The following RRM2 variants were observed in gnomAD, a reference collection of about 807,000 sequenced individuals.
RRM2 encodes the protein ribonucleotide reductase regulatory subunit M2, also known as ribonucleoside-diphosphate reductase subunit M2.
Under a neutral mutation model 45.9 loss-of-function variants are expected in RRM2, and 6 were observed. The ratio of observed to expected loss-of-function variants is 0.13; its 90% confidence interval spans 0.07 to 0.26. The LOEUF (loss-of-function observed/expected upper bound fraction) is 0.26, where lower values mean the gene tolerates loss of function less well. Among genes scored for constraint, RRM2 ranks in the 10% least tolerant of loss-of-function variants. The pLI, the probability that RRM2 is intolerant of heterozygous loss-of-function variation, is 1.00. For synonymous variants in RRM2, 177 were observed against 173.0 expected (o/e 1.02, Z -0.18); for missense variants, 343 against 489.5 (o/e 0.70, Z 2.82).
intron 3 of RRM2, among the ~76,000 whole-genome samples, chr2:10,199,580 G>A (rs1181984696): frequency 1.3e-5 from 2 of 151,758 alleles, no homozygotes; most frequent in Admixed American, 1.3e-4. Context: ...AGGAGATCAA[G>A]ACCATCCTGG....
chr2:10,127,286 C>A lies in RRM2; in HGVS notation c.798+66C>A. 2 of 1,532,350 alleles carry A rather than the reference C, an allele frequency of 1.3e-6. No homozygotes were observed. The highest frequency in any genetic ancestry group is 1.1e-5 in the South Asian group (1 of 87,962). The allele number at this position is 1,532,350 out of a possible 1,614,324, so 94.9% of individuals were successfully genotyped here. A position where few individuals can be genotyped will look rare whatever the true frequency, so the allele number is the denominator to read the frequency against. ...CACAACTCGGGCATGCTCTTGTGTT[C>A]ACTGACGGGGACCTGAGATGCTAGA... is the stretch of plus-strand genomic sequence containing the variant. On this transcript the variant is annotated intron_variant, in intron 7 of 9. Transcript: ENST00000304567. The surrounding 1 kb of genome is among the most constrained non-coding windows in gnomAD (Gnocchi z 4.1).
rs1037698393 is a variant in RRM2 at position 10,166,011 on chromosome 2, C to G, written n.482+23636C>G. Among the ~76,000 whole-genome samples the G allele has an allele frequency of 2.6e-5, 4 of 152,142 alleles. No homozygotes were observed. In the South Asian group the frequency reaches 6.2e-4, roughly 24 times the overall value. On this transcript the variant is annotated intron_variant and non_coding_transcript_variant, in intron 3 of 3. Transcript: ENST00000381786. The stretch of plus-strand genomic sequence containing the variant: ...AAGGCAGGAAGGGCAGCCAGCGGCC[C>G]GGAGGGGAGCACAGCAGCTGCTGGT...
rs1662892551 is a variant in RRM2 at position 10,131,123 on chromosome 2, A to G, written c.*1737A>G. 1 of 152,224 alleles carries G rather than the reference A, an allele frequency of 6.6e-6. No individual in the cohort carries two copies. Among genetic ancestry groups the G allele is most frequent in the African/African-American group, 2.4e-5 (1 of 41,454 alleles). The allele number at this position is 152,224 out of a possible 1,614,324, so 9.4% of individuals were successfully genotyped here. ...TAGACAATTTTTAAATCTCTGTAAT[A>G]TGATACATTTTCCTATCTTTTAAGT... On this transcript the variant is annotated 3_prime_UTR_variant, in exon 10 of 10. Transcript: ENST00000304567.
At chr2:10,201,240 C>T (rs1664565386) in intron 3 of RRM2, among the ~76,000 whole-genome samples, 1 of 152,014 alleles carries the variant, frequency 6.6e-6, no homozygotes, top group Non-Finnish European at 1.5e-5. Context: ...AGGATACTCA[C>T]AGGTAGTTTC....
intron 3 of RRM2, among the ~76,000 whole-genome samples, chr2:10,143,793 G>A (rs1007771401): frequency 6.6e-6 from 1 of 152,162 alleles, no homozygotes; most frequent in Non-Finnish European, 1.5e-5. Flanking sequence ...TCAGCCTCTC[G>A]AGTAGCTGGG....
At chr2:10,137,995 C>A (rs1209506317), upstream of RRM2, among the ~76,000 whole-genome samples, 2 of 152,016 alleles carry the variant, frequency 1.3e-5, no homozygotes, top group African/African-American at 4.8e-5. Flanking sequence ...ACTTTAGGCT[C>A]CCTCTTTGTT....
chr2:10,180,073 C>T (rs2125325232), intron 3 of RRM2, among the ~76,000 whole-genome samples: 1 of 152,302 alleles, frequency 6.6e-6, no homozygotes, highest in South Asian at 2.1e-4. Context: ...AATGCCATCC[C>T]ACGGCTCCCT....
intron 3 of RRM2, among the ~76,000 whole-genome samples, chr2:10,209,058 T>TTTCTTTCTTTCTTTCTTTCC (rs771458079): frequency 8.1e-6 from 1 of 123,782 alleles, no homozygotes; most frequent in Non-Finnish European, 1.6e-5. Context: ...TCTTTCTTTC[T>TTTCTTTCTTTCTTTCTTTCC]TTTTTTTTTT....
At chr2:10,210,428 G>C (rs781177097) in exon 4 of RRM2, 2 of 1,367,824 alleles carry the variant, frequency 1.5e-6, no homozygotes, top group Admixed American at 3.8e-5. Flanking sequence ...TTCCAGACAG[G>C]GACACCCCTG....
In RRM2 at chr2:10,210,718, G is replaced by A. The variant is rs550864318; in HGVS notation, n.890G>A. The A allele has an allele frequency of 1.9e-4, 152 of 797,984 alleles. No homozygotes were observed. In the African/African-American group the frequency reaches 2.5e-3, roughly 13 times the overall value. The allele number at this position is 797,984 out of a possible 1,614,324, so 49.4% of individuals were successfully genotyped here. On this transcript the variant is annotated non_coding_transcript_exon_variant, in exon 4 of 4. Transcript: ENST00000381786. ...AACTGGGGTGATGTGAGCCCACAGG[G>A]TGGAGCACTGTGGACTGAATGCCTG...
chr2:10,204,503 T>C lies in RRM2; in HGVS notation n.483-5808T>C, dbSNP rs1558408313. Among the ~76,000 whole-genome samples, 1 of 152,222 alleles carries C rather than the reference T, an allele frequency of 6.6e-6. No individual in the cohort carries two copies. The highest frequency in any genetic ancestry group is 1.5e-5 in the Non-Finnish European group (1 of 68,038). ...ATGGAGCCCACCGGAGCAGCCTACC[T>C]GGCTTCTGTGGTCACTGGCTGTGAC... On this transcript the variant is annotated intron_variant and non_coding_transcript_variant, in intron 3 of 3. Coordinates refer to the RRM2 transcript ENST00000381786. This position sits in a 1 kb window ranked among gnomAD's most constrained non-coding sequence, Gnocchi z 4.0.
intron 3 of RRM2, among the ~76,000 whole-genome samples, chr2:10,183,794 C>CA (rs529549163): frequency 0.25 from 28,529 of 114,312 alleles, 3,189 homozygotes; most frequent in East Asian, 0.55. Context: ...GACTCTGTTT[C>CA]AAAAAAAAAA....
intron 3 of RRM2, among the ~76,000 whole-genome samples, chr2:10,190,390 ATGG>A (rs1220500644): frequency 2.9e-5 from 3 of 103,794 alleles, no homozygotes; most frequent in Admixed American, 2.0e-4. Flanking sequence ...GGTGATGGTG[ATGG>A]TGGTGGTGAT....
In RRM2 at chr2:10,129,051, C is replaced by T. The variant is rs762107853; in HGVS notation, c.914C>T (p.Thr305Ile). ...TATTTTGGTTCCTAGGAGTTCCTCA[C>T]TGAGGCCTTGCCTGTGAAGCTCATT... ...NAVRIEQEFLTEALPVKLIGM... is the reference protein window; with the variant it reads ...NAVRIEQEFLIEALPVKLIGM... Residue 305 changes from threonine (T) to isoleucine (I), a missense_variant, in exon 9 of 10, where the codon ACT becomes ATT. Thr to Ile is a moderately conservative substitution (Grantham distance 89). Coordinates refer to ENST00000304567, the MANE Select transcript of RRM2 (RefSeq NM_001034.4). The surrounding 1 kb of genome is among the most constrained non-coding windows in gnomAD (Gnocchi z 4.8). 6.2e-7 allele frequency: 1 copy of T among 1,614,144 alleles called. No homozygotes were observed. Among genetic ancestry groups the T allele is most frequent in the South Asian group, 1.1e-5 (1 of 91,088 alleles).
chr2:10,199,110 G>C (rs546596013), intron 3 of RRM2: 21 of 152,266 alleles, frequency 1.4e-4, no homozygotes, highest in African/African-American at 4.8e-4. Flanking sequence ...GCTGAGAGAG[G>C]GTTGTCGTTA....
At chr2:10,188,104 G>C (rs1386045651) in intron 3 of RRM2, among the ~76,000 whole-genome samples, 1 of 152,194 alleles carries the variant, frequency 6.6e-6, no homozygotes, top group Non-Finnish European at 1.5e-5. Flanking sequence ...CTCTGCGCCT[G>C]CTTCCCTGAG....
intron 3 of RRM2, among the ~76,000 whole-genome samples, chr2:10,191,562 C>T (rs867098733): frequency 4.6e-5 from 7 of 152,168 alleles, no homozygotes; most frequent in African/African-American, 7.2e-5. Context: ...GAGGAGGTAC[C>T]GCTGCCCACA....
At chr2:10,147,544 G>C (rs905639923) in intron 3 of RRM2, among the ~76,000 whole-genome samples, 1 of 152,132 alleles carries the variant, frequency 6.6e-6, no homozygotes, top group Non-Finnish European at 1.5e-5. Flanking sequence ...GATTACAGGC[G>C]TGAGCCACCA....
intron 3 of RRM2, among the ~76,000 whole-genome samples, chr2:10,182,122 C>T (rs1664072253): frequency 6.6e-6 from 1 of 151,910 alleles, no homozygotes; most frequent in South Asian, 2.1e-4. Context: ...CTGTCCCTCC[C>T]CCAGGATCAG....
Sources: allele counts gnomAD v4.1 joint callset (sites outside exome capture counted in the v4.1 genomes callset), GRCh38; gene constraint gnomAD v4.1.1; non-coding constraint Gnocchi (gnomAD v3.1); transcripts MANE v1.5; gene names NCBI Gene and HGNC (gene_info 2026-07-23, HGNC 2026-07-21).